The following YJU2 variants were observed in gnomAD, a reference collection of about 807,000 sequenced individuals.
The protein encoded by YJU2 is YJU2 splicing factor homolog, also known as splicing factor YJU2.
A neutral mutation model predicts 39.6 loss-of-function variants in YJU2; 28 were observed. The ratio of observed to expected loss-of-function variants is 0.71; its 90% CI spans 0.52 to 0.97. The LOEUF (loss-of-function observed/expected upper bound fraction) is 0.97, where lower values mean the gene tolerates loss of function less well. YJU2 is among the 50% of genes least tolerant of loss of function. The pLI is 0.00. For missense variants in YJU2, 328 were observed against 430.4 expected (o/e 0.76, Z 2.11); for synonymous variants, 184 against 182.4 (o/e 1.01, Z -0.07).
chr19:4,247,596 T>TGGC (rs1970934910), intron 1 of YJU2, among the ~76,000 whole-genome samples: 11 of 5,206 alleles, frequency 2.1e-3, no homozygotes, highest in East Asian at 0.012. Context: ...TGTGTGTGTG[T>TGGC]GTGTGTGTGT....
chr19:4,260,899 T>G lies in YJU2; in HGVS notation c.588-1095T>G, dbSNP rs190117076. On this transcript the variant is annotated intron_variant, in intron 5 of 7. Coordinates refer to ENST00000262962, the MANE Select transcript of YJU2 (RefSeq NM_018074.6). ...AGACCAATACCCAGGACAACATCCATCTGGGTGAGAGAGAAGCCAGGATGC... is the reference window on the plus strand; with the variant it reads ...AGACCAATACCCAGGACAACATCCAGCTGGGTGAGAGAGAAGCCAGGATGC... Among the ~76,000 whole-genome samples, 43 of 152,244 alleles carry G rather than the reference T, an allele frequency of 2.8e-4. 1 individual carries two copies. In the East Asian group the frequency reaches 8.1e-3, roughly 29 times the overall value.
In YJU2 at chr19:4,259,369, G is replaced by A. The variant is rs888796323; in HGVS notation, c.587+946G>A. Among the ~76,000 whole-genome samples the A allele has an allele frequency of 3.6e-4, 54 of 151,694 alleles. 1 individual carries two copies. Among genetic ancestry groups the A allele is most frequent in the Non-Finnish European group, 2.8e-4 (19 of 67,910 alleles). Reference sequence around the variant, plus strand: ...GCTGGGATTGCAGGCGTGAGCCACCGCGCCCGGACGACGCTTTTCTTTTTC... The same window carrying A: ...GCTGGGATTGCAGGCGTGAGCCACCACGCCCGGACGACGCTTTTCTTTTTC... On this transcript the variant is annotated intron_variant, in intron 5 of 7. Transcript: ENST00000262962.
chr19:4,268,179 A>C (rs1366797518), intron 7 of YJU2, among the ~76,000 whole-genome samples: 1 of 152,126 alleles, frequency 6.6e-6, no homozygotes. Context: ...TCCCGACCTC[A>C]GGTGATCCAC....
chr19:4,268,532 C>T (rs1568365097), intron 7 of YJU2, 52 bp from the exon 8 acceptor site: 1 of 1,360,618 alleles, frequency 7.3e-7, no homozygotes, highest in African/African-American at 1.4e-5. Flanking sequence ...TGCCTTGTCC[C>T]TGGCCTGTCT....
intron 5 of YJU2, among the ~76,000 whole-genome samples, chr19:4,260,352 C>T (rs751616408): frequency 2.0e-5 from 3 of 152,032 alleles, no homozygotes; most frequent in Non-Finnish European, 4.4e-5. Context: ...TGCCTGAACC[C>T]GGGAGGCAGA....
rs115984152 is a variant in YJU2, at chr19:4,254,465, C to T, written c.381C>T (p.Asp127=). The change falls in exon 4 of 8, where the codon GAC becomes GAT. Residue 127 remains aspartate, a synonymous_variant. Coordinates refer to ENST00000262962, the MANE Select transcript of YJU2 (RefSeq NM_018074.6). The part of the protein sequence containing the change: ...EEKRVQKERE[D]EELNNPMKVL... Reference sequence around the variant, plus strand: ...AGAGGGTGCAGAAGGAGCGGGAGGACGAGGAGCTGAACAACCCCATGAAGG... The same window carrying T: ...AGAGGGTGCAGAAGGAGCGGGAGGATGAGGAGCTGAACAACCCCATGAAGG... 1.5e-4 allele frequency: 248 copies of T among 1,606,670 alleles called. No homozygotes were observed. In the African/African-American group the frequency reaches 3.0e-3, roughly 19 times the overall value.
intron 7 of YJU2, among the ~76,000 whole-genome samples, chr19:4,268,342 G>C (rs1271177601): frequency 6.6e-6 from 1 of 152,222 alleles, no homozygotes; most frequent in Non-Finnish European, 1.5e-5. Flanking sequence ...ATTCTTGGCA[G>C]CGCACGTTGC....
chr19:4,256,181 A>ATATATATATATAT (rs1555725230), intron 4 of YJU2, among the ~76,000 whole-genome samples: 3 of 125,898 alleles, frequency 2.4e-5, no homozygotes, highest in African/African-American at 9.3e-5. Context: ...AAAAAAAAAA[A>ATATATATATATAT]ATATATATAT....
intron 6 of YJU2, 84 bp downstream of exon 6, chr19:4,262,198 T>G: frequency 6.9e-7 from 1 of 1,448,258 alleles, no homozygotes; most frequent in African/African-American, 1.4e-5. Context: ...TTTTCTTTTG[T>G]TTTTTGTTTT....
At position 4,254,351 on chromosome 19, in the gene YJU2, G is replaced by T; in HGVS notation, c.271-4G>T. 1 of 1,611,592 alleles carries T rather than the reference G, an allele frequency of 6.2e-7. No individual in the cohort carries two copies. The highest frequency in any genetic ancestry group is 1.1e-5 in the South Asian group (1 of 90,956). ...GAGCTGATGTCTGTCTATCCTCCCT[G>T]CAGACAGACCCTGAAAACACAGACT... On this transcript the variant is annotated splice_region_variant and splice_polypyrimidine_tract_variant and intron_variant, in intron 3 of 7. Transcript: ENST00000262962.
intron 3 of YJU2, 45 bp downstream of exon 3, chr19:4,251,216 C>A (rs772948307): frequency 2.5e-6 from 4 of 1,600,148 alleles, no homozygotes; most frequent in Non-Finnish European, 8.5e-7. Context: ...CCCCAGCACA[C>A]CTCAGATCAG....
chr19:4,261,930 A>G, intron 5 of YJU2, 64 bp from the exon 6 acceptor site: 1 of 1,563,886 alleles, frequency 6.4e-7, no homozygotes, highest in East Asian at 2.3e-5. Flanking sequence ...CCACCCCAGC[A>G]GGTACATCCC....
intron 3 of YJU2, among the ~76,000 whole-genome samples, chr19:4,251,717 C>G (rs1970978542): frequency 6.7e-6 from 1 of 148,836 alleles, no homozygotes; most frequent in South Asian, 2.1e-4. Context: ...GGCACAGTGG[C>G]TCATGCCTGT....
At chr19:4,264,426 G>C (rs916405171) in intron 6 of YJU2, among the ~76,000 whole-genome samples, 49 of 151,116 alleles carry the variant, frequency 3.2e-4, no homozygotes, top group African/African-American at 1.1e-3. Context: ...TCCCACCTCA[G>C]TCTCCTGAGC....
intron 1 of YJU2, 35 bp from the exon 2 acceptor site, chr19:4,249,193 A>G (rs1288126612): frequency 6.8e-7 from 1 of 1,464,544 alleles, no homozygotes; most frequent in African/African-American, 1.4e-5. Flanking sequence ...TGCTTCTGAA[A>G]ATAACTCCCC....
chr19:4,268,620 C>A lies in YJU2; in HGVS notation c.896C>A (p.Pro299His), dbSNP rs535461635. ...AACAGGAAGGAGGCCAACCCTACAC[C>A]CCTGACGCCTGGCGCGTCCTCCCTG... ...PQNRKEANPTPLTPGASSLSQ... is the reference protein window; with the variant it reads ...PQNRKEANPTHLTPGASSLSQ... The change falls in exon 8 of 8, where the codon CCC becomes CAC. Residue 299 changes from proline (P) to histidine (H), a missense_variant. By Grantham distance (77) the Pro-to-His change is moderately conservative. Around this residue, in one of 2 missense-constraint regions of YJU2, gnomAD observed 244 missense variants for 264.6 expected, o/e 0.92. Coordinates refer to ENST00000262962, the MANE Select transcript of YJU2 (RefSeq NM_018074.6). 4 of 1,613,644 alleles carry A rather than the reference C, an allele frequency of 2.5e-6. No homozygotes were observed. In the South Asian group the frequency reaches 4.4e-5, roughly 18 times the overall value.
chr19:4,268,483 C>T (rs1412477497), intron 7 of YJU2, 101 bp from the exon 8 acceptor site: 1 of 762,356 alleles, frequency 1.3e-6, no homozygotes, highest in Non-Finnish European at 2.2e-6. Flanking sequence ...CATGCTGTCA[C>T]CTCTGGACCT....
chr19:4,248,348 C>A (rs1970948343), intron 1 of YJU2: 1 of 152,224 alleles, frequency 6.6e-6, no homozygotes, highest in Admixed American at 6.5e-5. Context: ...CTGCAAAGAG[C>A]ACTTTATCCC....
chr19:4,260,904 G>A (rs945497911), intron 5 of YJU2, among the ~76,000 whole-genome samples: 1 of 152,200 alleles, frequency 6.6e-6, no homozygotes, highest in African/African-American at 2.4e-5. Context: ...ATCCATCTGG[G>A]TGAGAGAGAA....
Sources: gnomAD v4.1 joint callset for allele counts (sites outside exome capture counted in the v4.1 genomes callset) on GRCh38, gnomAD v4.1.1 for gene constraint, gnomAD v4.1.1 regional missense constraint, MANE v1.5 for transcripts, NCBI Gene and HGNC (gene_info 2026-07-23, HGNC 2026-07-21) for gene names.